STAG1: variants seen among roughly 807,000 people sequenced by gnomAD.
The protein encoded by STAG1 is STAG1 cohesin complex component.
A neutral mutation model predicts 170.9 loss-of-function variants in STAG1; 26 were observed. The ratio of observed to expected loss-of-function variants is 0.15; its 90% CI spans 0.11 to 0.21. The LOEUF is 0.21. Among genes scored for constraint, STAG1 ranks in the 10% least tolerant of loss-of-function variants. The pLI is 1.00. For missense variants in STAG1, 964 were observed against 1,509.5 expected (o/e 0.64, Z 5.99); for synonymous variants, 514 against 497.7 (o/e 1.03, Z -0.44).
chr3:136,604,032 TTCAAAAAAAAAA>T (rs979171526), intron 4 of STAG1, among the ~76,000 whole-genome samples: 6 of 151,688 alleles, frequency 4.0e-5, no homozygotes, highest in African/African-American at 1.5e-4. Context: ...CTAAATCAGA[TTCAAAAAAAAAA>T]TATCAAGACA....
chr3:136,636,070 A>T (rs980417471), intron 1 of STAG1, among the ~76,000 whole-genome samples: 3 of 152,164 alleles, frequency 2.0e-5, no homozygotes, highest in African/African-American at 7.2e-5. Context: ...CAACATGGTG[A>T]AACCCCATCT....
rs915386241 is a variant in STAG1 at position 136,575,294 on chromosome 3, G to A, written c.298-6433C>T. The stretch of plus-strand genomic sequence containing the variant: ...GGCTAGGGTCCAGTGGCATGACCAC[G>A]GCTCATTGTAGCCTAAATCTCCCAG... On this transcript the variant is annotated intron_variant, in intron 4 of 33. Transcript: ENST00000383202. Among the ~76,000 whole-genome samples the A allele has an allele frequency of 4.6e-5, 7 of 152,090 alleles. No homozygotes were observed. The South Asian group carries it at 6.2e-4, about 14-fold the overall frequency.
At chr3:136,472,752 T>A (rs2089657862) in intron 11 of STAG1, among the ~76,000 whole-genome samples, 1 of 152,208 alleles carries the variant, frequency 6.6e-6, no homozygotes, top group Admixed American at 6.5e-5. Flanking sequence ...AATTACTATC[T>A]TTATAACAAG....
At chr3:136,561,011 G>C (rs994390706) in intron 5 of STAG1, among the ~76,000 whole-genome samples, 2 of 151,720 alleles carry the variant, frequency 1.3e-5, no homozygotes, top group Admixed American at 1.3e-4. Context: ...ACACTCTTTT[G>C]GTCCTTGGTT....
At chr3:136,441,924 G>A (rs2088643976) in intron 15 of STAG1, among the ~76,000 whole-genome samples, 1 of 152,192 alleles carries the variant, frequency 6.6e-6, no homozygotes, top group African/African-American at 2.4e-5. Flanking sequence ...TTGGCCAGAT[G>A]CGGTGGCTCA....
intron 22 of STAG1, among the ~76,000 whole-genome samples, chr3:136,393,590 C>CTTTT (rs774648941): frequency 1.5e-5 from 2 of 130,128 alleles, no homozygotes; most frequent in African/African-American, 2.8e-5. Flanking sequence ...TACGCTTCAT[C>CTTTT]TTTTTTTTTT....
At chr3:136,531,060 A>G (rs1935342933) in intron 6 of STAG1, among the ~76,000 whole-genome samples, 1 of 152,152 alleles carries the variant, frequency 6.6e-6, no homozygotes. Flanking sequence ...AGCCGAGATC[A>G]CGCACTGCAC....
At chr3:136,565,391 A>G (rs1937040509) in intron 5 of STAG1, among the ~76,000 whole-genome samples, 1 of 152,236 alleles carries the variant, frequency 6.6e-6, no homozygotes, top group Non-Finnish European at 1.5e-5. Context: ...TTCTTCAAAG[A>G]AAATACAGAC....
chr3:136,407,695 C>A (rs1022251182), intron 21 of STAG1, among the ~76,000 whole-genome samples: 27 of 152,182 alleles, frequency 1.8e-4, no homozygotes, highest in African/African-American at 6.3e-4. Flanking sequence ...CTCCTGACCT[C>A]AGGTGATCTG....
At chr3:136,509,034 A>G (rs1439153707) in intron 7 of STAG1, among the ~76,000 whole-genome samples, 2 of 152,280 alleles carry the variant, frequency 1.3e-5, no homozygotes, top group Non-Finnish European at 2.9e-5. Context: ...AATAAAAGAA[A>G]GAAATTTTGA....
intron 4 of STAG1, among the ~76,000 whole-genome samples, chr3:136,596,793 C>A (rs1021490905): frequency 6.6e-6 from 1 of 152,148 alleles, no homozygotes; most frequent in African/African-American, 2.4e-5. Context: ...TAATTTCAGG[C>A]CAGGCATGGG....
chr3:136,575,002 T>C (rs962450923), intron 4 of STAG1, among the ~76,000 whole-genome samples: 52 of 152,174 alleles, frequency 3.4e-4, no homozygotes, highest in African/African-American at 1.2e-3. Context: ...TAAATCTGAT[T>C]TAAAAATCAG....
chr3:136,366,838 T>TAC, intron 25 of STAG1, 105 bp downstream of exon 25: 1 of 876,928 alleles, frequency 1.1e-6, no homozygotes, highest in South Asian at 2.2e-5. Context: ...TCATCCACAT[T>TAC]ACATAGGTGA....
chr3:136,685,843 G>A (rs1385472313), intron 1 of STAG1, among the ~76,000 whole-genome samples: 3 of 152,154 alleles, frequency 2.0e-5, no homozygotes, highest in African/African-American at 7.2e-5. Context: ...AAATATTTCA[G>A]CTGGGAATAT....
At chr3:136,731,531 C>T (rs1934039758) in intron 1 of STAG1, among the ~76,000 whole-genome samples, 1 of 152,174 alleles carries the variant, frequency 6.6e-6, no homozygotes, top group Non-Finnish European at 1.5e-5. Flanking sequence ...GCAGAGAGAA[C>T]ACTTAGATCA....
rs1437550438 is a variant in STAG1 at position 136,743,529 on chromosome 3, C to A, written c.-84+8666G>T. The stretch of plus-strand genomic sequence containing the variant: ...TAAACTGATACAAGATGAAACAGAC[C>A]AAAATTGACACAATATGAAACAGAA... On this transcript the variant is annotated intron_variant, in intron 1 of 33. Coordinates refer to ENST00000383202, the MANE Select transcript of STAG1 (RefSeq NM_005862.3). 2.6e-5 allele frequency among the ~76,000 whole-genome samples: 4 copies of A among 151,178 alleles called. No homozygotes were observed. In the Admixed American group the frequency reaches 2.7e-4, roughly 10 times the overall value.
intron 12 of STAG1, among the ~76,000 whole-genome samples, chr3:136,465,463 C>T (rs190586166): frequency 1.0e-3 from 150 of 148,110 alleles, no homozygotes; most frequent in Admixed American, 5.9e-3. Context: ...TCAGATAATC[C>T]AGCTGCTACA....
At chr3:136,484,137 TGGA>T (rs1285899250) in intron 9 of STAG1, among the ~76,000 whole-genome samples, 4 of 146,148 alleles carry the variant, frequency 2.7e-5, no homozygotes, top group African/African-American at 7.6e-5. Context: ...TGCGTTCTTT[TGGA>T]GGAGGAGAGG....
At position 136,711,956 on chromosome 3, in the gene STAG1, G is replaced by C. The variant is rs549166699; in HGVS notation, c.-84+40239C>G. ...AAGGAAGAAAAAAAATTTTAAAACA[G>C]AACACAAAAAAGCACTGTTTAACGG... On this transcript the variant is annotated intron_variant, in intron 1 of 33. Transcript: ENST00000383202. Among the ~76,000 whole-genome samples, 20 of 152,144 alleles carry C rather than the reference G, an allele frequency of 1.3e-4. No individual in the cohort carries two copies. In the East Asian group the frequency reaches 3.9e-3, roughly 29 times the overall value.
Sources: gnomAD v4.1 joint callset for allele counts (sites outside exome capture counted in the v4.1 genomes callset) on GRCh38, gnomAD v4.1.1 for gene constraint, MANE v1.5 for transcripts, NCBI Gene and HGNC (gene_info 2026-07-23, HGNC 2026-07-21) for gene names.